Variants in SP140 observed in about 807,000 individuals in gnomAD.
SP140 encodes the protein SP140 nuclear body protein.
In SP140, 81 loss-of-function variants were observed where a neutral mutation model predicts 125.0. That is an observed-to-expected ratio of 0.65 (90% CI 0.54 to 0.78). SP140 has a LOEUF of 0.78. Ranked by LOEUF, SP140 falls within the 30% of genes least tolerant of loss-of-function variation. The probability of loss-of-function intolerance (pLI) is 0.00; values close to 1 mark genes in which losing one functional copy is unlikely to be tolerated. For synonymous variants in SP140, 312 were observed against 354.0 expected, an observed-to-expected ratio of 0.88 and a Z score of 1.33; for missense variants, 858 against 1,037.0, an observed-to-expected ratio of 0.83 and a Z score of 2.37.
upstream of SP140, among the ~76,000 whole-genome samples, chr2:230,225,309 A>G (rs192127634): frequency 1.3e-5 from 2 of 152,300 alleles, no homozygotes; most frequent in Admixed American, 1.3e-4. Context: ...ATGGAGTGCT[A>G]AGAGCATCTC....
chr2:230,200,973 A>G (rs199526783), upstream of SP140: 4 of 1,609,186 alleles, frequency 2.5e-6, no homozygotes, highest in Non-Finnish European at 3.4e-6. Flanking sequence ...TCTCTGGAAA[A>G]TGAAAGATCT....
chr2:230,245,220 G>A (rs532143237), intron 6 of SP140, 140 bp downstream of exon 6: 4 of 594,330 alleles, frequency 6.7e-6, no homozygotes, highest in East Asian at 6.0e-5. Context: ...AGGTGTGTGG[G>A]AGGCAAGAGG....
chr2:230,229,502 C>G (rs1489449589), intron 1 of SP140, among the ~76,000 whole-genome samples: 3 of 102,272 alleles, frequency 2.9e-5, no homozygotes, highest in Non-Finnish European at 5.3e-5. Context: ...GAGTCTCACT[C>G]TGTTGCCCAG....
chr2:230,276,866 G>A (rs952608087), intron 15 of SP140, among the ~76,000 whole-genome samples: 1 of 152,170 alleles, frequency 6.6e-6, no homozygotes, highest in African/African-American at 2.4e-5. Flanking sequence ...ACACATCAGT[G>A]AAGAAGTAAT....
At position 230,237,491 on chromosome 2, in the gene SP140, T is replaced by C; in HGVS notation, c.237+231T>C. 2 of 484,212 alleles carry C rather than the reference T, an allele frequency of 4.1e-6. No individual in the cohort carries two copies. Among genetic ancestry groups the C allele is most frequent in the Non-Finnish European group, 7.3e-6 (2 of 273,788 alleles). The allele number at this position is 484,212 out of a possible 1,614,324, so 30.0% of individuals were successfully genotyped here. A position where few individuals can be genotyped will look rare whatever the true frequency, so the allele number is the denominator to read the frequency against. ...GGGGCAGGAGAGAGAATGGGAATGC[T>C]GTATGGGTGCAGATCATCCTAGGTA... On this transcript the variant is annotated intron_variant, in intron 2 of 26. Coordinates refer to ENST00000392045, the MANE Select transcript of SP140 (RefSeq NM_007237.5). The surrounding 1 kb of genome is among the most constrained non-coding windows in gnomAD (Gnocchi z 5.4).
At chr2:230,217,245 C>CA (rs6147220) in intron 3 of SP140, among the ~76,000 whole-genome samples, 1,750 of 79,668 alleles carry the variant, frequency 0.022, 106 homozygotes, top group African/African-American at 0.068. Context: ...GACTCCATCT[C>CA]AAAAAAAAAA....
At chr2:230,236,032 A>G (rs1343919800) in intron 1 of SP140, among the ~76,000 whole-genome samples, 1 of 151,966 alleles carries the variant, frequency 6.6e-6, no homozygotes, top group Non-Finnish European at 1.5e-5. Flanking sequence ...ACCTGCCACC[A>G]TGCCCGGCTA....
At chr2:230,276,857 C>G (rs4972943) in intron 15 of SP140, among the ~76,000 whole-genome samples, 13,595 of 152,172 alleles carry the variant, frequency 0.089, 820 homozygotes, top group East Asian at 0.12. Flanking sequence ...AAGTGTTCAA[C>G]ACATCAGTGA....
chr2:230,287,450 C>G (rs972635280), intron 17 of SP140, among the ~76,000 whole-genome samples: 4 of 152,094 alleles, frequency 2.6e-5, no homozygotes, highest in African/African-American at 9.7e-5. Context: ...AGTTTTGTCT[C>G]AATTTTCTCT....
intron 1 of SP140, among the ~76,000 whole-genome samples, chr2:230,228,219 G>A (rs1281321522): frequency 6.6e-6 from 1 of 152,058 alleles, no homozygotes; most frequent in Non-Finnish European, 1.5e-5. Flanking sequence ...CTATTTTTCT[G>A]TTACTGATTT....
At chr2:230,243,272 A>G (rs1041357920) in intron 4 of SP140, among the ~76,000 whole-genome samples, 1 of 152,198 alleles carries the variant, frequency 6.6e-6, no homozygotes, top group Non-Finnish European at 1.5e-5. Flanking sequence ...CTTAGAATAT[A>G]TGATCAAAGG....
In SP140 at chr2:230,238,217, T is replaced by G; in HGVS notation, c.242T>G (p.Phe81Cys). 6.3e-7 allele frequency: 1 copy of G among 1,589,136 alleles called. No individual in the cohort carries two copies. Among genetic ancestry groups the G allele is most frequent in the African/African-American group, 1.4e-5 (1 of 73,428 alleles). ...SFISEQMYEH[F>C]QEAFRNLVPV... ...TCTCCATTTAATATTTTTAAGCATT[T>G]TCAAGAAGCTTTTAGAAACCTGGTC... The change falls in exon 3 of 27, where the codon TTT (phenylalanine) becomes TGT (cysteine). Residue 81 changes from phenylalanine to cysteine, a missense_variant. By Grantham distance (205) the Phe-to-Cys change is radical. Transcript: ENST00000392045.
chr2:230,265,378 T>C (rs1292200655), intron 12 of SP140, among the ~76,000 whole-genome samples: 1 of 152,040 alleles, frequency 6.6e-6, no homozygotes, highest in Non-Finnish European at 1.5e-5. Context: ...GCTATCTGCC[T>C]CCCAGCTGCA....
chr2:230,253,332 A>G lies in SP140; in HGVS notation c.1074A>G (p.Ala358=), dbSNP rs1212253237. The change falls in exon 11 of 27, where the codon GCA becomes GCG. Residue 358 remains alanine, a synonymous_variant. Transcript: ENST00000392045. ...GTCTGTCAGTTTCTTGTTTATCTGC[A>G]GAGACCTTTGATCTAAAGACTCCCC... ...ARCGSVSCLS[A]ETFDLKTPQV... 2 of 1,611,680 alleles carry G rather than the reference A, an allele frequency of 1.2e-6. No homozygotes were observed.
the SP140 span, among the ~76,000 whole-genome samples, chr2:230,197,042 C>A: frequency 2.6e-5 from 4 of 152,134 alleles, no homozygotes; most frequent in African/African-American, 9.7e-5. Flanking sequence ...ATTTATAATC[C>A]TTTGGGTATA....
chr2:230,273,711 G>T lies in SP140; in HGVS notation c.1498+3072G>T, dbSNP rs542420326. The stretch of plus-strand genomic sequence containing the variant: ...GGAATCAACCTAAATGTCCAGCAAT[G>T]ATAGACTGGATAAAGAAAATGTGGT... On this transcript the variant is annotated intron_variant, in intron 15 of 26. Coordinates refer to ENST00000392045, the MANE Select transcript of SP140 (RefSeq NM_007237.5). 1.6e-4 allele frequency among the ~76,000 whole-genome samples: 25 copies of T among 152,318 alleles called. 1 individual carries two copies. In the South Asian group the frequency reaches 5.2e-3, roughly 32 times the overall value.
At chr2:230,186,622 T>G in the SP140 span, among the ~76,000 whole-genome samples, 1 of 152,214 alleles carries the variant, frequency 6.6e-6, no homozygotes, top group African/African-American at 2.4e-5. Flanking sequence ...TAGTGTACAT[T>G]GTACCCAATA....
Position 230,245,065 on chromosome 2 carries a change from C to T in SP140, c.649C>T (p.Leu217=), listed in dbSNP as rs2049233239. The change falls in exon 6 of 27, where the codon CTA becomes TTA. Residue 217 remains leucine (L), a synonymous_variant. Coordinates refer to ENST00000392045, the MANE Select transcript of SP140 (RefSeq NM_007237.5). ...AGATGCTGAAGATGCACCCAGCCTA[C>T]TACCAGGTGGGGGAGGTAATTATGA... ...GGDAEDAPSL[L]PGGGVSCKLA... 2.5e-6 allele frequency: 4 copies of T among 1,610,660 alleles called. No homozygotes were observed. In the East Asian group the frequency reaches 8.9e-5, roughly 36 times the overall value.
At chr2:230,277,157 GCTACAGAGAAAT>G (rs2054830651) in intron 15 of SP140, among the ~76,000 whole-genome samples, 4 of 152,150 alleles carry the variant, frequency 2.6e-5, no homozygotes, top group Admixed American at 2.0e-4. Flanking sequence ...AGCATTGCAT[GCTACAGAGAAAT>G]CTTTCAGGAA....
Sources: allele counts gnomAD v4.1 joint callset (sites outside exome capture counted in the v4.1 genomes callset), GRCh38; gene constraint gnomAD v4.1.1; non-coding constraint Gnocchi (gnomAD v3.1); transcripts MANE v1.5; gene names NCBI Gene and HGNC (gene_info 2026-07-23, HGNC 2026-07-21).